PRKACB: variants seen among roughly 807,000 people sequenced by gnomAD.
PRKACB encodes cAMP-dependent protein kinase catalytic subunit beta.
Under a neutral mutation model 51.4 loss-of-function variants are expected in PRKACB, and 16 were observed. That is an observed-to-expected ratio of 0.31 (90% CI 0.21 to 0.47). The LOEUF is 0.47. PRKACB is among the 20% of genes least tolerant of loss of function. PRKACB has a pLI of 1.00. For missense variants in PRKACB, 309 were observed against 464.5 expected, an observed-to-expected ratio of 0.67 and a Z score of 3.08; for synonymous variants, 147 against 154.4, an observed-to-expected ratio of 0.95 and a Z score of 0.35.
intron 9 of PRKACB, among the ~76,000 whole-genome samples, chr1:84,230,236 T>C (rs1431546807): frequency 6.7e-6 from 1 of 150,126 alleles, no homozygotes; most frequent in South Asian, 2.1e-4. Flanking sequence ...AAAGATCAGA[T>C]AGTTGTAGAT....
intron 2 of PRKACB, chr1:84,181,764 A>G (rs530449412): frequency 2.1e-6 from 3 of 1,408,220 alleles, no homozygotes; most frequent in African/African-American, 1.5e-5. Flanking sequence ...CCCTCAGTTT[A>G]TCTATTCATT....
intron 1 of PRKACB, among the ~76,000 whole-genome samples, chr1:84,114,746 G>A (rs1176390137): frequency 6.6e-6 from 1 of 151,936 alleles, no homozygotes; most frequent in Non-Finnish European, 1.5e-5. Flanking sequence ...TCCTTCATGG[G>A]ATCAAATATT....
chr1:84,170,984 T>C (rs1659269455), intron 1 of PRKACB, among the ~76,000 whole-genome samples: 1 of 151,590 alleles, frequency 6.6e-6, no homozygotes. Context: ...ATGATTGATA[T>C]ACAGGCTACA....
intron 8 of PRKACB, among the ~76,000 whole-genome samples, chr1:84,210,629 T>G (rs762341150): frequency 2.4e-4 from 37 of 152,140 alleles, no homozygotes; most frequent in Non-Finnish European, 4.7e-4. Flanking sequence ...AGATTCTCAT[T>G]TCACTTTCTA....
intron 1 of PRKACB, among the ~76,000 whole-genome samples, chr1:84,128,007 C>CTTTTTTT (rs10537848): frequency 1.9e-5 from 2 of 105,392 alleles, no homozygotes; most frequent in Non-Finnish European, 1.9e-5. Flanking sequence ...CTTTTTTTTT[C>CTTTTTTT]TTTTTTTTTT....
intron 1 of PRKACB, among the ~76,000 whole-genome samples, chr1:84,149,340 G>A (rs1004446573): frequency 6.6e-5 from 10 of 151,816 alleles, no homozygotes; most frequent in Non-Finnish European, 1.3e-4. Flanking sequence ...ACTCGCTGCA[G>A]CCTCTGCCTC....
intron 9 of PRKACB, among the ~76,000 whole-genome samples, chr1:84,225,207 G>T (rs1674386821): frequency 6.6e-6 from 1 of 152,162 alleles, no homozygotes; most frequent in Non-Finnish European, 1.5e-5. Flanking sequence ...GGTAGGCAGA[G>T]TGAGTCTGTC....
intron 9 of PRKACB, among the ~76,000 whole-genome samples, chr1:84,225,563 C>T (rs751919359): frequency 6.6e-6 from 1 of 152,164 alleles, no homozygotes; most frequent in East Asian, 1.9e-4. Context: ...GATGCATACT[C>T]TCTAATGGTA....
At chr1:84,087,647 C>G (rs1015768835) in intron 1 of PRKACB, among the ~76,000 whole-genome samples, 1 of 152,108 alleles carries the variant, frequency 6.6e-6, no homozygotes, top group Admixed American at 6.5e-5. Flanking sequence ...TCCTGCGTAG[C>G]TGGGACTGCA....
intron 8 of PRKACB, among the ~76,000 whole-genome samples, chr1:84,213,808 AT>A (rs1411685879): frequency 1.1e-4 from 16 of 152,112 alleles, no homozygotes; most frequent in Non-Finnish European, 2.1e-4. Context: ...CAGGTTTGTA[AT>A]GTATGATCCA....
At chr1:84,135,612 C>G (rs1292682762) in intron 1 of PRKACB, among the ~76,000 whole-genome samples, 1 of 152,036 alleles carries the variant, frequency 6.6e-6, no homozygotes, top group Non-Finnish European at 1.5e-5. Flanking sequence ...AACTAGAAAT[C>G]AGTAACAGGA....
At position 84,204,888 on chromosome 1, in the gene PRKACB, T is replaced by A. The variant is rs1479140507; in HGVS notation, c.906+2083T>A. 29 of 983,574 alleles carry A rather than the reference T, an allele frequency of 2.9e-5. No homozygotes were observed. The South Asian group carries it at 4.2e-4, about 14-fold the overall frequency. The allele number at this position is 983,574 out of a possible 1,614,324, so 60.9% of individuals were successfully genotyped here. On this transcript the variant is annotated intron_variant, in intron 8 of 9. Transcript: ENST00000370685. ...ATTGGCCTCGATTTGCCAATCATTC[T>A]CTATTGGTTAAATTTTATATTCAGC...
At chr1:84,168,583 A>G (rs1190746954) in intron 1 of PRKACB, among the ~76,000 whole-genome samples, 1 of 151,600 alleles carries the variant, frequency 6.6e-6, no homozygotes, top group African/African-American at 2.4e-5. Context: ...ACTGTGAGAA[A>G]AAAAATTGGG....
chr1:84,228,430 TCCTTCCTTC>T (rs1675004893), intron 9 of PRKACB, among the ~76,000 whole-genome samples: 1 of 152,314 alleles, frequency 6.6e-6, no homozygotes, highest in East Asian at 1.9e-4. Context: ...AGAACACCAG[TCCTTCCTTC>T]CTCACAGTGT....
chr1:84,139,527 A>C (rs563207314), upstream of PRKACB, among the ~76,000 whole-genome samples: 4 of 152,212 alleles, frequency 2.6e-5, no homozygotes, highest in Non-Finnish European at 5.9e-5. Context: ...ATTATGTGCA[A>C]GATCTGTGTG....
chr1:84,081,314 A>AC (rs1647513730), intron 1 of PRKACB, among the ~76,000 whole-genome samples: 1 of 152,130 alleles, frequency 6.6e-6, no homozygotes, highest in South Asian at 2.1e-4. Context: ...CTGGGGTAAG[A>AC]CCTAAAAGCT....
chr1:84,093,071 A>C (rs1474617612), intron 1 of PRKACB, among the ~76,000 whole-genome samples: 1 of 151,926 alleles, frequency 6.6e-6, no homozygotes, highest in Admixed American at 6.6e-5. Context: ...TCTCCTTCAT[A>C]CTGTTTAATA....
chr1:84,096,236 A>T (rs1194590718), intron 1 of PRKACB, among the ~76,000 whole-genome samples: 1 of 152,056 alleles, frequency 6.6e-6, no homozygotes, highest in Non-Finnish European at 1.5e-5. Context: ...GCCCTACCTC[A>T]TGCTAGCCCT....
chr1:84,097,626 G>A (rs1031479801), intron 1 of PRKACB, among the ~76,000 whole-genome samples: 2 of 151,964 alleles, frequency 1.3e-5, no homozygotes, highest in African/African-American at 4.8e-5. Context: ...TCAAGTTGGG[G>A]AACCAGGAAA....
Sources: allele counts gnomAD v4.1 joint callset (sites outside exome capture counted in the v4.1 genomes callset), GRCh38; gene constraint gnomAD v4.1.1; transcripts MANE v1.5; gene names NCBI Gene and HGNC (gene_info 2026-07-23, HGNC 2026-07-21).